SGCD: variants seen among roughly 807,000 people sequenced by gnomAD.
The protein encoded by SGCD is delta-sarcoglycan.
Under a neutral mutation model 36.6 loss-of-function variants are expected in SGCD, and 18 were observed. The observed-to-expected ratio is 0.49, with a 90% CI of 0.34 to 0.73. The LOEUF (loss-of-function observed/expected upper bound fraction) is 0.73. Ranked by LOEUF, SGCD falls within the 30% of genes least tolerant of loss-of-function variation. The pLI, the probability that SGCD is intolerant of heterozygous loss-of-function variation, is 0.01. For missense variants in SGCD, 387 were observed against 346.7 expected (o/e 1.12, Z -0.92); for synonymous variants, 133 against 130.6 (o/e 1.02, Z -0.12).
intron 6 of SGCD, among the ~76,000 whole-genome samples, chr5:156,641,809 A>G (rs1763036984): frequency 6.6e-6 from 1 of 152,064 alleles, no homozygotes; most frequent in East Asian, 1.9e-4. Flanking sequence ...ATATTTCCTC[A>G]GCCATCCACT....
chr5:156,473,381 G>T (rs1343495855), intron 3 of SGCD, among the ~76,000 whole-genome samples: 1 of 152,188 alleles, frequency 6.6e-6, no homozygotes, highest in Non-Finnish European at 1.5e-5. Flanking sequence ...TTACCAAACA[G>T]CATTGCCTGC....
intron 6 of SGCD, among the ~76,000 whole-genome samples, chr5:156,606,795 T>C (rs2113439830): frequency 6.6e-6 from 1 of 152,356 alleles, no homozygotes; most frequent in East Asian, 1.9e-4. Flanking sequence ...AGGTATTTTA[T>C]TCTCTTTGAA....
chr5:156,074,577 G>T (rs1760712289), intron 1 of SGCD, among the ~76,000 whole-genome samples: 1 of 152,076 alleles, frequency 6.6e-6, no homozygotes, highest in South Asian at 2.1e-4. Flanking sequence ...CTACTTGGGA[G>T]GCTGAGGCAG....
At chr5:156,586,752 T>C (rs1455344904) in intron 4 of SGCD, among the ~76,000 whole-genome samples, 8 of 152,112 alleles carry the variant, frequency 5.3e-5, no homozygotes, top group Non-Finnish European at 1.5e-5. Context: ...AAGATTTTGG[T>C]TTTTTTGTTT....
At chr5:155,879,782 C>T (rs2113292557) in intron 1 of SGCD, among the ~76,000 whole-genome samples, 1 of 152,080 alleles carries the variant, frequency 6.6e-6, no homozygotes, top group Admixed American at 6.5e-5. Flanking sequence ...TTATTCTCAC[C>T]ACACCTCTCT....
chr5:156,642,461 CTTTTTTTTTTTTT>C (rs58501471), intron 6 of SGCD, among the ~76,000 whole-genome samples: 10 of 80,048 alleles, frequency 1.2e-4, no homozygotes, highest in East Asian at 4.0e-4. Flanking sequence ...CAGCATCAGT[CTTTTTTTTTTTTT>C]TTTTTTTTTT....
intron 3 of SGCD, among the ~76,000 whole-genome samples, chr5:156,243,197 C>T (rs1765348146): frequency 6.6e-6 from 1 of 152,200 alleles, no homozygotes; most frequent in Non-Finnish European, 1.5e-5. Flanking sequence ...GAGAAGAGGT[C>T]TATGCTCAGG....
At chr5:156,223,551 G>A (rs1280038007) in intron 3 of SGCD, among the ~76,000 whole-genome samples, 1 of 152,036 alleles carries the variant, frequency 6.6e-6, no homozygotes. Context: ...CAAGACTTCG[G>A]GTGTGTTGAT....
At chr5:155,825,045 G>T in the SGCD span, among the ~76,000 whole-genome samples, 1,591 of 152,216 alleles carry the variant, frequency 0.01, 34 homozygotes, top group African/African-American at 0.037. Context: ...CACACATAGT[G>T]CCAAACTATC....
chr5:156,254,706 G>C (rs946425205), intron 3 of SGCD, among the ~76,000 whole-genome samples: 1 of 151,986 alleles, frequency 6.6e-6, no homozygotes, highest in African/African-American at 2.4e-5. Context: ...AATTATTTGG[G>C]CATGGTGGCA....
At chr5:155,871,189 C>T (rs1755649094) in intron 1 of SGCD, among the ~76,000 whole-genome samples, 1 of 152,064 alleles carries the variant, frequency 6.6e-6, no homozygotes, top group Admixed American at 6.6e-5. Flanking sequence ...GATATAACCT[C>T]CTTGATATTT....
chr5:156,215,491 C>G (rs770074702), intron 3 of SGCD, among the ~76,000 whole-genome samples: 26 of 151,914 alleles, frequency 1.7e-4, no homozygotes, highest in Non-Finnish European at 2.1e-4. Context: ...AGCAAGAAGA[C>G]AAATAACCTG....
intron 3 of SGCD, among the ~76,000 whole-genome samples, chr5:156,306,972 A>AT (rs1374902662): frequency 6.9e-6 from 1 of 145,462 alleles, no homozygotes; most frequent in Non-Finnish European, 1.5e-5. Flanking sequence ...ATTAAAATCC[A>AT]TTTTTTCTGA....
At chr5:156,356,281 G>A (rs1034265918) in intron 3 of SGCD, among the ~76,000 whole-genome samples, 3 of 152,130 alleles carry the variant, frequency 2.0e-5, no homozygotes. Flanking sequence ...GAGACTCAAA[G>A]GCCTGGGGTA....
chr5:156,227,190 G>C (rs564702141), intron 3 of SGCD, among the ~76,000 whole-genome samples: 1 of 152,144 alleles, frequency 6.6e-6, no homozygotes, highest in South Asian at 2.1e-4. Context: ...TCTCTAGAAG[G>C]GTTTTTCCAA....
chr5:155,897,515 A>G (rs6897920), intron 1 of SGCD, among the ~76,000 whole-genome samples: 6,140 of 152,224 alleles, frequency 0.04, 433 homozygotes, highest in African/African-American at 0.13. Flanking sequence ...TAAGCTGACT[A>G]TAATTTCTTT....
chr5:155,744,459 C>CAAATAAAATA, the SGCD span, among the ~76,000 whole-genome samples: 3 of 151,178 alleles, frequency 2.0e-5, no homozygotes, highest in African/African-American at 7.3e-5. Context: ...GACTCCAACT[C>CAAATAAAATA]AAATAAAATA....
chr5:155,745,745 T>A, the SGCD span, among the ~76,000 whole-genome samples: 1 of 152,218 alleles, frequency 6.6e-6, no homozygotes, highest in Non-Finnish European at 1.5e-5. Flanking sequence ...CATGAACAGT[T>A]GTACAACCTT....
chr5:156,364,976 A>G (rs1580878095), intron 3 of SGCD, among the ~76,000 whole-genome samples: 1 of 152,228 alleles, frequency 6.6e-6, no homozygotes, highest in East Asian at 1.9e-4. Flanking sequence ...GAGAGTTGCA[A>G]GGGCATACTC....
Sources: gnomAD v4.1 joint callset for allele counts (sites outside exome capture counted in the v4.1 genomes callset) on GRCh38, gnomAD v4.1.1 for gene constraint, MANE v1.5 for transcripts, NCBI Gene and HGNC (gene_info 2026-07-23, HGNC 2026-07-21) for gene names.